The following PREX2 variants were observed in gnomAD, a reference collection of about 807,000 sequenced individuals.
PREX2 encodes phosphatidylinositol 3,4,5-trisphosphate-dependent Rac exchanger 2 protein.
A neutral mutation model predicts 203.2 loss-of-function variants in PREX2; 107 were observed. The ratio of observed to expected loss-of-function variants is 0.53; its 90% confidence interval spans 0.45 to 0.62. The LOEUF is 0.62. Ranked by LOEUF, PREX2 falls within the 20% of genes least tolerant of loss-of-function variation. PREX2 has a pLI of 0.00. For synonymous variants in PREX2, 672 were observed against 663.6 expected (o/e 1.01, Z -0.19); for missense variants, 1,777 against 1,955.9 (o/e 0.91, Z 1.72).
chr8:68,088,116 T>A (rs1809756951), intron 19 of PREX2, among the ~76,000 whole-genome samples: 2 of 152,246 alleles, frequency 1.3e-5, no homozygotes. Flanking sequence ...TGATTTCAAG[T>A]AATTGTATTT....
intron 37 of PREX2, among the ~76,000 whole-genome samples, chr8:68,211,303 A>G (rs1239945862): frequency 1.3e-5 from 2 of 152,210 alleles, no homozygotes; most frequent in Non-Finnish European, 2.9e-5. Context: ...GCTTCATGTA[A>G]TTATTATAAT....
chr8:68,215,570 T>C (rs912606366), intron 37 of PREX2, among the ~76,000 whole-genome samples: 14 of 152,134 alleles, frequency 9.2e-5, no homozygotes, highest in Non-Finnish European at 1.9e-4. Context: ...AGAGTCTCGC[T>C]GTCGCCCAGG....
chr8:67,952,609 G>A, intron 1 of PREX2, 74 bp downstream of exon 1: 1 of 1,552,574 alleles, frequency 6.4e-7, no homozygotes, highest in Non-Finnish European at 8.7e-7. Context: ...CTGCGGGAAG[G>A]ACGCGCGGCA....
intron 1 of PREX2, among the ~76,000 whole-genome samples, chr8:68,006,895 TAGACAAAGCTATATAGAC>T (rs1232941849): frequency 6.6e-6 from 1 of 152,218 alleles, no homozygotes; most frequent in Non-Finnish European, 1.5e-5. Flanking sequence ...ACAAAACTCA[TAGACAAAGCTATATAGAC>T]AGACACTATA....
intron 37 of PREX2, among the ~76,000 whole-genome samples, chr8:68,193,993 T>C (rs1029102029): frequency 6.6e-6 from 1 of 152,252 alleles, no homozygotes; most frequent in African/African-American, 2.4e-5. Context: ...TTCACTTTAA[T>C]TTTCATTGCT....
At chr8:68,164,096 T>A (rs1375626929) in intron 35 of PREX2, among the ~76,000 whole-genome samples, 1 of 152,192 alleles carries the variant, frequency 6.6e-6, no homozygotes, top group African/African-American at 2.4e-5. Flanking sequence ...AAGGGGTCAG[T>A]GGCACCTTTT....
At chr8:68,192,605 C>A in intron 37 of PREX2, 80 bp downstream of exon 37, 3 of 1,151,598 alleles carry the variant, frequency 2.6e-6, no homozygotes, top group Non-Finnish European at 3.6e-6. Context: ...TTTGGCTTCA[C>A]AAAATTAAAA....
chr8:68,192,753 T>G, intron 37 of PREX2: 1 of 405,830 alleles, frequency 2.5e-6, no homozygotes, highest in Non-Finnish European at 4.4e-6. Flanking sequence ...GCCCAAAATC[T>G]TATCATAGTT....
chr8:68,062,446 C>G (rs74589355), intron 11 of PREX2, among the ~76,000 whole-genome samples: 3,090 of 152,260 alleles, frequency 0.02, 107 homozygotes, highest in African/African-American at 0.068. Context: ...GAGATAAGGC[C>G]CCTGACTTCC....
At chr8:68,198,151 A>G (rs888781686) in intron 37 of PREX2, among the ~76,000 whole-genome samples, 2 of 152,240 alleles carry the variant, frequency 1.3e-5, no homozygotes, top group Non-Finnish European at 2.9e-5. Context: ...GTTGTGAGGC[A>G]CTTTCACCCT....
At chr8:68,064,390 T>C (rs1779881621) in intron 11 of PREX2, among the ~76,000 whole-genome samples, 1 of 152,018 alleles carries the variant, frequency 6.6e-6, no homozygotes, top group African/African-American at 2.4e-5. Flanking sequence ...GGGGGCAGGG[T>C]CTTGCTCTGT....
At chr8:68,006,682 C>G (rs1428055105) in intron 1 of PREX2, among the ~76,000 whole-genome samples, 1 of 152,198 alleles carries the variant, frequency 6.6e-6, no homozygotes, top group Admixed American at 6.5e-5. Flanking sequence ...TGTGCACGTT[C>G]AAGCTTTAAG....
intron 34 of PREX2, among the ~76,000 whole-genome samples, chr8:68,154,555 T>C (rs763570648): frequency 6.6e-6 from 1 of 152,216 alleles, no homozygotes; most frequent in Non-Finnish European, 1.5e-5. Flanking sequence ...ATATTTACCT[T>C]TCCTAAATAG....
At chr8:68,035,117 C>G (rs1281667366) in intron 6 of PREX2, among the ~76,000 whole-genome samples, 1 of 152,018 alleles carries the variant, frequency 6.6e-6, no homozygotes, top group East Asian at 1.9e-4. Context: ...ATAGTTTTAA[C>G]CTCAAAAAGA....
intron 9 of PREX2, among the ~76,000 whole-genome samples, chr8:68,055,480 G>C (rs1357016912): frequency 6.6e-6 from 1 of 151,676 alleles, no homozygotes; most frequent in Non-Finnish European, 1.5e-5. Context: ...TACCAGAACT[G>C]TCTCTAGGGC....
chr8:68,114,337 A>G (rs1313761943), intron 25 of PREX2: 1 of 504,418 alleles, frequency 2.0e-6, no homozygotes, highest in Non-Finnish European at 4.0e-6. Flanking sequence ...AATAACAAAC[A>G]TTACATTGCT....
At chr8:68,215,466 A>G (rs1417361439) in intron 37 of PREX2, among the ~76,000 whole-genome samples, 10 of 151,682 alleles carry the variant, frequency 6.6e-5, no homozygotes, top group Non-Finnish European at 1.3e-4. Context: ...AGTGGAGGAG[A>G]CCTTAATGAG....
Position 68,027,343 on chromosome 8 carries a change from A to C in PREX2, c.543+20A>C. ...TTGAAGGTATTTTATGTGCTACCTC[A>C]TTGTAGCCATTTTCTTGTATCTACA... On this transcript the variant is annotated intron_variant, in intron 5 of 39. Coordinates refer to ENST00000288368, the MANE Select transcript of PREX2 (RefSeq NM_024870.4). 214 of 1,378,318 alleles carry C rather than the reference A, an allele frequency of 1.6e-4. No homozygotes were observed. Among genetic ancestry groups the C allele is most frequent in the Non-Finnish European group, 2.0e-4 (194 of 967,662 alleles). The allele number at this position is 1,378,318 out of a possible 1,614,324, so 85.4% of individuals were successfully genotyped here.
intron 1 of PREX2, among the ~76,000 whole-genome samples, chr8:68,009,395 G>A (rs1202833241): frequency 3.3e-5 from 5 of 152,100 alleles, no homozygotes; most frequent in South Asian, 2.1e-4. Flanking sequence ...TGATATCAAC[G>A]TAAATTCCTG....
Sources: gnomAD v4.1 joint callset for allele counts (sites outside exome capture counted in the v4.1 genomes callset) on GRCh38, gnomAD v4.1.1 for gene constraint, MANE v1.5 for transcripts, NCBI Gene and HGNC (gene_info 2026-07-23, HGNC 2026-07-21) for gene names.